Variants in SDC3 observed in about 807,000 individuals in gnomAD.
SDC3 encodes the protein syndecan-3.
A neutral mutation model predicts 24.4 loss-of-function variants in SDC3; 13 were observed. The ratio of observed to expected loss-of-function variants is 0.53; its 90% confidence interval spans 0.35 to 0.85. The LOEUF is 0.85. SDC3 is among the 40% of genes least tolerant of loss of function. The probability of loss-of-function intolerance (pLI) is 0.01; values close to 1 mark genes in which losing one functional copy is unlikely to be tolerated. For missense variants in SDC3, 571 were observed against 584.5 expected, an observed-to-expected ratio of 0.98 and a Z score of 0.24; for synonymous variants, 295 against 260.9, an observed-to-expected ratio of 1.13 and a Z score of -1.26.
chr1:30,884,090 C>T (rs1639788765), intron 1 of SDC3, among the ~76,000 whole-genome samples: 2 of 152,158 alleles, frequency 1.3e-5, no homozygotes, highest in African/African-American at 4.8e-5. Context: ...CAGTCCCCAC[C>T]CCCACCCAGC....
intron 1 of SDC3, 108 bp downstream of exon 1, chr1:30,908,341 G>T (rs1414216354): frequency 5.3e-6 from 3 of 561,344 alleles, no homozygotes; most frequent in Non-Finnish European, 6.7e-6. Flanking sequence ...AAGCAGCCGG[G>T]GGGGAGGGAG....
upstream of SDC3, among the ~76,000 whole-genome samples, chr1:30,909,600 C>G (rs142436607): frequency 6.6e-6 from 1 of 152,126 alleles, no homozygotes; most frequent in Non-Finnish European, 1.5e-5. Context: ...AGCGGCATAC[C>G]CCATGCTGTT....
intron 1 of SDC3, among the ~76,000 whole-genome samples, chr1:30,894,341 G>GT (rs1639958531): frequency 1.8e-5 from 2 of 109,912 alleles, no homozygotes; most frequent in African/African-American, 3.4e-5. Context: ...GTGTGTGTGG[G>GT]GTGTGTGGAT....
At position 30,876,838 on chromosome 1, in the gene SDC3, G is replaced by A; in HGVS notation, c.584C>T (p.Pro195Leu). The change falls in exon 3 of 5, where the codon CCT becomes CTT. Residue 195 changes from proline (P) to leucine (L), a missense_variant. By Grantham distance (98) the Pro-to-Leu change is moderately conservative. Around this residue, in one of 2 missense-constraint regions of SDC3, gnomAD observed 497 missense variants for 471.6 expected, o/e 1.05. Transcript: ENST00000339394. ...TATAACAGCAGTGGTGGCCGTAAAA[G>A]GGGGTGCTGCAGGGGTGCTGGGGGT... ...TATPSTPAAP[P>L]FTATTAVIRT... The A allele has an allele frequency of 4.3e-6, 7 of 1,612,236 alleles. No individual in the cohort carries two copies. The highest frequency in any genetic ancestry group is 5.9e-6 in the Non-Finnish European group (7 of 1,179,214).
Position 30,877,014 on chromosome 1 carries a change from C to T in SDC3, c.408G>A (p.Leu136=), listed in dbSNP as rs753072963. The change falls in exon 3 of 5, where the codon CTG becomes CTA. Residue 136 remains leucine (L), a synonymous_variant. Coordinates refer to ENST00000339394, the MANE Select transcript of SDC3 (RefSeq NM_014654.4). ...FEELPSERPT[L]EPATSPLVVT... ...CCACCAGGGGGCTGGTGGCTGGCTCCAGGGTGGGGCGCTCAGAGGGGAGCT... is the reference window on the plus strand; with the variant it reads ...CCACCAGGGGGCTGGTGGCTGGCTCTAGGGTGGGGCGCTCAGAGGGGAGCT... 5 of 1,613,650 alleles carry T rather than the reference C, an allele frequency of 3.1e-6. No homozygotes were observed. Among genetic ancestry groups the T allele is most frequent in the Non-Finnish European group, 4.2e-6 (5 of 1,179,974 alleles).
chr1:30,905,313 C>A (rs1638496827), intron 1 of SDC3, among the ~76,000 whole-genome samples: 1 of 84,256 alleles, frequency 1.2e-5, no homozygotes, highest in Non-Finnish European at 2.4e-5. Flanking sequence ...CCACCCCACC[C>A]CACCCCCACC....
upstream of SDC3, among the ~76,000 whole-genome samples, chr1:30,909,263 G>A (rs1474980395): frequency 6.6e-6 from 1 of 152,166 alleles, no homozygotes; most frequent in Non-Finnish European, 1.5e-5. Flanking sequence ...GGACACCCAG[G>A]GGCTGTGTGA....
At chr1:30,889,041 C>T (rs1040078134) in intron 1 of SDC3, among the ~76,000 whole-genome samples, 3 of 152,172 alleles carry the variant, frequency 2.0e-5, no homozygotes, top group Non-Finnish European at 4.4e-5. Context: ...AAGCCCTCAC[C>T]CTCCCCTCCA....
intron 1 of SDC3, among the ~76,000 whole-genome samples, chr1:30,905,396 A>C: frequency 8.5e-6 from 1 of 117,132 alleles, no homozygotes; most frequent in African/African-American, 3.1e-5. Flanking sequence ...CACGTCTCCC[A>C]CCCTTCCACT....
At position 30,907,422 on chromosome 1, in the gene SDC3, T is replaced by C. The variant is rs575384358; in HGVS notation, c.138+1027A>G. On this transcript the variant is annotated intron_variant, in intron 1 of 4. Coordinates refer to ENST00000339394, the MANE Select transcript of SDC3 (RefSeq NM_014654.4). ...ACATACCATCACCTCCACCTGCACA[T>C]GCTTGGTTCCCCTCAGGGGTCCTCG... 3.3e-5 allele frequency among the ~76,000 whole-genome samples: 5 copies of C among 152,304 alleles called. No individual in the cohort carries two copies. The South Asian group carries it at 1.0e-3, about 32-fold the overall frequency.
At chr1:30,884,173 C>T (rs1398705335) in intron 1 of SDC3, among the ~76,000 whole-genome samples, 2 of 152,114 alleles carry the variant, frequency 1.3e-5, no homozygotes, top group Admixed American at 6.5e-5. Flanking sequence ...ACGAGGACTG[C>T]ACCTGCTGGG....
At chr1:30,889,040 C>A (rs1159451112) in intron 1 of SDC3, among the ~76,000 whole-genome samples, 1 of 152,232 alleles carries the variant, frequency 6.6e-6, no homozygotes, top group Non-Finnish European at 1.5e-5. Flanking sequence ...CAAGCCCTCA[C>A]CCTCCCCTCC....
chr1:30,874,638 C>G (rs751827034), intron 3 of SDC3, 50 bp from the exon 4 acceptor site: 16 of 1,542,152 alleles, frequency 1.0e-5, no homozygotes, highest in Non-Finnish European at 1.4e-5. Context: ...GCATGCATAA[C>G]CCCCCACCAC....
rs1422958494 is a variant in SDC3, at chr1:30,873,988, CAG to C, written c.1162+307_1162+308del. On this transcript the variant is annotated intron_variant, in intron 4 of 4. Transcript: ENST00000339394. The stretch of plus-strand genomic sequence containing the variant: ...GATTAGCATCTAGGAAGTAAGGTCC[CAG>C]GGGGTCAGCCAGTGTGGCCCAGGAA... 3.9e-5 allele frequency among the ~76,000 whole-genome samples: 6 copies of C among 152,148 alleles called. No individual in the cohort carries two copies. The East Asian group carries it at 1.2e-3, about 30-fold the overall frequency.
chr1:30,894,542 G>GT (rs1293142047), intron 1 of SDC3, among the ~76,000 whole-genome samples: 1 of 144,762 alleles, frequency 6.9e-6, no homozygotes, highest in Non-Finnish European at 1.5e-5. Flanking sequence ...GAGTGTGCGT[G>GT]GATGAGTGTG....
At position 30,876,636 on chromosome 1, in the gene SDC3, C is replaced by T. The variant is rs144566207; in HGVS notation, c.786G>A (p.Pro262=). 1.3e-5 allele frequency: 21 copies of T among 1,581,200 alleles called. No homozygotes were observed. Among genetic ancestry groups the T allele is most frequent in the African/African-American group, 9.5e-5 (7 of 73,960 alleles). ...GGATGTCAGGCTCCTGGGTGGTGGC[C>T]GGCCTGGGAAGGGCTCTTGGCCGGG... ...ATSRPRALPR[P]ATTQEPDIPE... is the part of the protein sequence containing the mutation. The change falls in exon 3 of 5, where the codon CCG becomes CCA. Residue 262 remains proline (P), a synonymous_variant. Coordinates refer to ENST00000339394, the MANE Select transcript of SDC3 (RefSeq NM_014654.4).
chr1:30,876,451 A>G, intron 3 of SDC3, 101 bp downstream of exon 3: 2 of 1,043,820 alleles, frequency 1.9e-6, no homozygotes, highest in Admixed American at 6.2e-5. Context: ...GCTCATCTCT[A>G]TAGCCTCCTG....
intron 1 of SDC3, among the ~76,000 whole-genome samples, chr1:30,902,991 C>CAGAGTG (rs771273466): frequency 6.6e-6 from 1 of 152,238 alleles, no homozygotes; most frequent in Non-Finnish European, 1.5e-5. Flanking sequence ...GCACCAAGCA[C>CAGAGTG]AGAGTGGTCC....
At chr1:30,873,820 G>A (rs1330121714) in intron 4 of SDC3, among the ~76,000 whole-genome samples, 1 of 152,188 alleles carries the variant, frequency 6.6e-6, no homozygotes, top group Non-Finnish European at 1.5e-5. Flanking sequence ...AGAGAAGGAA[G>A]ACTGGAGAGG....
Sources: allele counts gnomAD v4.1 joint callset (sites outside exome capture counted in the v4.1 genomes callset), GRCh38; gene constraint gnomAD v4.1.1; regional missense constraint gnomAD v4.1.1; transcripts MANE v1.5; gene names NCBI Gene and HGNC (gene_info 2026-07-23, HGNC 2026-07-21).